Variants in SLC37A2 observed in about 807,000 individuals in gnomAD.
SLC37A2 encodes glucose-6-phosphate exchanger SLC37A2.
Under a neutral mutation model 70.7 loss-of-function variants are expected in SLC37A2, and 59 were observed. The ratio of observed to expected loss-of-function variants is 0.83; its 90% confidence interval spans 0.68 to 1.04. The LOEUF (loss-of-function observed/expected upper bound fraction) is 1.04. SLC37A2 is among the 50% of genes least tolerant of loss of function. The pLI is 0.00. For synonymous variants in SLC37A2, 257 were observed against 262.1 expected, an observed-to-expected ratio of 0.98 and a Z score of 0.19; for missense variants, 580 against 658.1, an observed-to-expected ratio of 0.88 and a Z score of 1.30.
Position 125,080,797 on chromosome 11 carries a change from C to G in SLC37A2, c.694+17C>G. On this transcript the variant is annotated intron_variant, in intron 7 of 17. Transcript: ENST00000403796. This position sits in a 1 kb window ranked among gnomAD's most constrained non-coding sequence, Gnocchi z 4.3. The stretch of plus-strand genomic sequence containing the variant: ...TCATCGAACGTGAGTGGGCCCCTCA[C>G]TCCCCACAAGTGAGCCTAGAAGTTC... The G allele has an allele frequency of 1.4e-6, 2 of 1,436,962 alleles. No individual in the cohort carries two copies. Among genetic ancestry groups the G allele is most frequent in the Admixed American group, 2.5e-5 (1 of 40,644 alleles). 89.0% of individuals were successfully genotyped at this position (1,436,962 alleles called of 1,614,324 possible).
chr11:125,071,237 C>T (rs534329412), intron 1 of SLC37A2, among the ~76,000 whole-genome samples: 60 of 152,282 alleles, frequency 3.9e-4, no homozygotes, highest in African/African-American at 1.4e-3. Context: ...ATCCTCCTCC[C>T]CCTCTAAGCA....
intron 1 of SLC37A2, among the ~76,000 whole-genome samples, chr11:125,072,309 A>T (rs1156520871): frequency 6.6e-6 from 1 of 152,168 alleles, no homozygotes; most frequent in African/African-American, 2.4e-5. Context: ...GTCAGCTAAT[A>T]GTTAAGAGAT....
At chr11:125,072,804 C>T (rs1015049173) in intron 1 of SLC37A2, among the ~76,000 whole-genome samples, 3 of 152,206 alleles carry the variant, frequency 2.0e-5, no homozygotes, top group African/African-American at 7.2e-5. Flanking sequence ...TCTTAGAACA[C>T]CTGACAATGG....
chr11:125,085,965 G>T lies in SLC37A2; in HGVS notation c.1437G>T (p.Arg479=). 1.2e-6 allele frequency: 2 copies of T among 1,614,126 alleles called. No homozygotes were observed. ...CTTGTGCTCCACAGCTCCTTTGCCG[G>T]TTAGTATACAAAGAGATCTTGGCCT... is the stretch of plus-strand genomic sequence containing the variant. ...ADVLACLLLC[R]LVYKEILAWK... is the part of the protein sequence containing the mutation. Residue 479 remains arginine (R), a synonymous_variant, in exon 17 of 18, where the codon CGG becomes CGT. Transcript: ENST00000403796.
rs1949271820 is a variant in SLC37A2 at position 125,090,300 on chromosome 11, G to T, written c.*2166G>T. 1 of 152,166 alleles carries T rather than the reference G, an allele frequency of 6.6e-6. No individual in the cohort carries two copies. The highest frequency in any genetic ancestry group is 1.5e-5 in the Non-Finnish European group (1 of 68,048). The allele number at this position is 152,166 out of a possible 1,614,324, so 9.4% of individuals were successfully genotyped here. A position where few individuals can be genotyped will look rare whatever the true frequency, so the allele number is the denominator to read the frequency against. The stretch of plus-strand genomic sequence containing the variant: ...AACTCTGTATCTAACTAATCTGATG[G>T]GGACGTGGAGAACCTTTGTATCTAG... On this transcript the variant is annotated 3_prime_UTR_variant, in exon 18 of 18. Transcript: ENST00000403796.
intron 17 of SLC37A2, 140 bp downstream of exon 17, chr11:125,086,158 C>G (rs761265446): frequency 1.9e-6 from 3 of 1,579,398 alleles, no homozygotes; most frequent in Non-Finnish European, 2.6e-6. Context: ...CTGGGTGGCC[C>G]TCACCCTGCT....
intron 5 of SLC37A2, 138 bp downstream of exon 5, chr11:125,079,385 C>A: frequency 1.7e-6 from 2 of 1,153,366 alleles, no homozygotes; most frequent in South Asian, 1.4e-5. Flanking sequence ...TGAGTTCTAC[C>A]TCCTGGCCCC....
At chr11:125,078,595 A>G (rs1427734423) in intron 4 of SLC37A2, among the ~76,000 whole-genome samples, 1 of 152,164 alleles carries the variant, frequency 6.6e-6, no homozygotes, top group African/African-American at 2.4e-5. Context: ...TTGAGTGCCC[A>G]AGGGGTGGCA....
intron 1 of SLC37A2, among the ~76,000 whole-genome samples, chr11:125,072,868 C>T (rs1465972453): frequency 5.3e-5 from 8 of 152,138 alleles, no homozygotes; most frequent in African/African-American, 1.9e-4. Flanking sequence ...TATGCCATGC[C>T]CAGCGAGTGG....
chr11:125,069,060 T>A (rs1949006060), intron 1 of SLC37A2, among the ~76,000 whole-genome samples: 2 of 152,216 alleles, frequency 1.3e-5, no homozygotes, highest in South Asian at 4.1e-4. Context: ...TGTAAGGTAC[T>A]TAGGTCAGTG....
intron 5 of SLC37A2, 60 bp downstream of exon 5, chr11:125,079,307 C>A: frequency 6.2e-7 from 1 of 1,606,248 alleles, no homozygotes; most frequent in South Asian, 1.1e-5. Flanking sequence ...ACCTGGGAGA[C>A]CGCAGCTCAC....
intron 1 of SLC37A2, among the ~76,000 whole-genome samples, chr11:125,074,824 G>A (rs1325957471): frequency 6.6e-6 from 1 of 152,226 alleles, no homozygotes; most frequent in Non-Finnish European, 1.5e-5. Flanking sequence ...GTGGGGCCTT[G>A]GGTCCCTGAG....
At position 125,083,192 on chromosome 11, in the gene SLC37A2, G is replaced by A. The variant is rs1949168186; in HGVS notation, c.977-623G>A. On this transcript the variant is annotated intron_variant, in intron 10 of 17. Coordinates refer to ENST00000403796, the MANE Select transcript of SLC37A2 (RefSeq NM_001145290.2). The surrounding 1 kb of genome is among the most constrained non-coding windows in gnomAD (Gnocchi z 4.6). ...AAGCCATAGCTTGCCCCGCAGCTCT[G>A]TCGGGGCCTCTCTCGTGACAGTGTG... The A allele has an allele frequency of 6.6e-6, 1 of 152,656 alleles. No individual in the cohort carries two copies. Among genetic ancestry groups the A allele is most frequent in the African/African-American group, 2.4e-5 (1 of 41,454 alleles). 9.5% of individuals were successfully genotyped at this position (152,656 alleles called of 1,614,324 possible).
At chr11:125,075,854 G>A (rs763120119) in intron 1 of SLC37A2, among the ~76,000 whole-genome samples, 1 of 152,122 alleles carries the variant, frequency 6.6e-6, no homozygotes, top group Non-Finnish European at 1.5e-5. Context: ...CCTTTTTCCT[G>A]ACCCTTCTCC....
At chr11:125,082,793 C>A (rs546701115) in intron 10 of SLC37A2, among the ~76,000 whole-genome samples, 1 of 152,134 alleles carries the variant, frequency 6.6e-6, no homozygotes, top group Non-Finnish European at 1.5e-5. Context: ...GTCTTCTCCC[C>A]GTGGGACCTA....
chr11:125,074,653 A>C (rs1452264702), intron 1 of SLC37A2, among the ~76,000 whole-genome samples: 1 of 152,080 alleles, frequency 6.6e-6, no homozygotes, highest in Non-Finnish European at 1.5e-5. Context: ...TGCTGGCAGC[A>C]GGCTGTGCCT....
In SLC37A2 at chr11:125,083,006, C is replaced by T. The variant is rs1949166386; in HGVS notation, c.976+672C>T. 1 of 152,676 alleles carries T rather than the reference C, an allele frequency of 6.5e-6. No individual in the cohort carries two copies. Among genetic ancestry groups the T allele is most frequent in the Admixed American group, 6.5e-5 (1 of 15,314 alleles). 9.5% of individuals were successfully genotyped at this position (152,676 alleles called of 1,614,324 possible). On this transcript the variant is annotated intron_variant, in intron 10 of 17. Transcript: ENST00000403796. This position sits in a 1 kb window ranked among gnomAD's most constrained non-coding sequence, Gnocchi z 4.6. ...TCTACCAAACAGCAGCCCACCCCGC[C>T]CTGCCCAGCCCCCAGGAGCCTCCAA...
chr11:125,072,009 ACAG>A (rs1267117351), intron 1 of SLC37A2, among the ~76,000 whole-genome samples: 2 of 151,940 alleles, frequency 1.3e-5, no homozygotes, highest in Admixed American at 6.6e-5. Context: ...ACCTGCAGCC[ACAG>A]CCAGCCTAGC....
intron 9 of SLC37A2, 23 bp from the exon 10 acceptor site, chr11:125,082,221 G>A: frequency 1.2e-6 from 2 of 1,612,242 alleles, no homozygotes; most frequent in Non-Finnish European, 1.7e-6. Flanking sequence ...CCCTTCCCAT[G>A]TGCCCCCTGT....
Sources: allele counts gnomAD v4.1 joint callset (sites outside exome capture counted in the v4.1 genomes callset), GRCh38; gene constraint gnomAD v4.1.1; non-coding constraint Gnocchi (gnomAD v3.1); transcripts MANE v1.5; gene names NCBI Gene and HGNC (gene_info 2026-07-23, HGNC 2026-07-21).